Variants in DCC observed in about 807,000 individuals in gnomAD.
The protein encoded by DCC is netrin receptor DCC.
Under a neutral mutation model 172.5 loss-of-function variants are expected in DCC, and 58 were observed. That is an observed-to-expected ratio of 0.34 (90% CI 0.27 to 0.42). The LOEUF (loss-of-function observed/expected upper bound fraction) is 0.42. Ranked by LOEUF, DCC falls within the 10% of genes least tolerant of loss-of-function variation. The probability of loss-of-function intolerance (pLI) is 1.00; values close to 1 mark genes in which losing one functional copy is unlikely to be tolerated. For missense variants in DCC, 1,740 were observed against 1,791.0 expected, an observed-to-expected ratio of 0.97 and a Z score of 0.51; for synonymous variants, 709 against 644.5, an observed-to-expected ratio of 1.10 and a Z score of -1.52.
chr18:52,953,095 G>T (rs778246764), intron 5 of DCC, among the ~76,000 whole-genome samples: 15 of 145,494 alleles, frequency 1.0e-4, no homozygotes, highest in Non-Finnish European at 2.1e-4. Context: ...TTTATCTGTT[G>T]TGAAGTCAAA....
chr18:53,405,190 T>C (rs1262345306), intron 19 of DCC, among the ~76,000 whole-genome samples: 3 of 139,116 alleles, frequency 2.2e-5, no homozygotes, highest in East Asian at 2.1e-4. Flanking sequence ...TAATAAAAAG[T>C]AAAAAAAAAA....
intron 1 of DCC, among the ~76,000 whole-genome samples, chr18:52,571,225 T>C (rs78005837): frequency 0.041 from 6,255 of 151,950 alleles, 160 homozygotes; most frequent in Non-Finnish European, 0.054. Context: ...ATTTGAAAAT[T>C]CAAAATATTC....
intron 1 of DCC, among the ~76,000 whole-genome samples, chr18:52,637,474 T>A (rs1181635369): frequency 6.6e-6 from 1 of 151,516 alleles, no homozygotes; most frequent in African/African-American, 2.4e-5. Context: ...GAAAAAAAAA[T>A]AAAGAATTTA....
At chr18:52,759,079 G>A (rs1315448284) in intron 2 of DCC, 1 of 151,912 alleles carries the variant, frequency 6.6e-6, no homozygotes, top group Non-Finnish European at 1.5e-5. Context: ...AAATAAATGT[G>A]GTCTTATAAG....
At chr18:52,728,030 A>C (rs531294066) in intron 1 of DCC, among the ~76,000 whole-genome samples, 1 of 152,296 alleles carries the variant, frequency 6.6e-6, no homozygotes, top group East Asian at 1.9e-4. Flanking sequence ...ACGATAAACA[A>C]ATTTTTTTCC....
intron 1 of DCC, among the ~76,000 whole-genome samples, chr18:52,412,924 C>T (rs1222935): frequency 2.6e-5 from 4 of 151,886 alleles, no homozygotes; most frequent in African/African-American, 4.8e-5. Flanking sequence ...TTTAGAAGAC[C>T]GGATTCATCC....
intron 12 of DCC, among the ~76,000 whole-genome samples, chr18:53,294,309 G>GC (rs2057040649): frequency 6.6e-6 from 1 of 152,202 alleles, no homozygotes; most frequent in Non-Finnish European, 1.5e-5. Context: ...GGAGTTCAGA[G>GC]CCAGTGGCAG....
rs144957137 is a variant in DCC at position 52,917,519 on chromosome 18, A to G, written c.698-6188A>G. On this transcript the variant is annotated intron_variant, in intron 3 of 28. Coordinates refer to ENST00000442544, the MANE Select transcript of DCC (RefSeq NM_005215.4). Reference sequence around the variant, plus strand: ...TGTCTGCATCGTTATTCTTTGTTGTAATGATTGTAGACTGGTCATCCTCAA... The same window carrying G: ...TGTCTGCATCGTTATTCTTTGTTGTGATGATTGTAGACTGGTCATCCTCAA... Among the ~76,000 whole-genome samples the G allele has an allele frequency of 5.9e-3, 895 of 152,288 alleles. 4 individuals are homozygous for G. Among genetic ancestry groups the G allele is most frequent in the Non-Finnish European group, 7.9e-3 (537 of 68,020 alleles).
intron 1 of DCC, among the ~76,000 whole-genome samples, chr18:52,374,144 G>A (rs948663120): frequency 2.6e-5 from 4 of 151,650 alleles, no homozygotes; most frequent in South Asian, 2.1e-4. Context: ...TGCCTGCCTC[G>A]GCCTCCCAAA....
At chr18:53,233,193 C>T (rs565701393) in intron 12 of DCC, among the ~76,000 whole-genome samples, 2 of 152,148 alleles carry the variant, frequency 1.3e-5, no homozygotes. Flanking sequence ...AAAAAAGCCA[C>T]TAAACCTTTC....
At chr18:53,431,882 T>C (rs1370248482) in intron 21 of DCC, among the ~76,000 whole-genome samples, 2 of 152,210 alleles carry the variant, frequency 1.3e-5, no homozygotes, top group African/African-American at 2.4e-5. Context: ...TAAGCCATGT[T>C]GAACTTTATT....
At chr18:53,302,557 T>G (rs1399349089) in intron 12 of DCC, among the ~76,000 whole-genome samples, 1 of 152,224 alleles carries the variant, frequency 6.6e-6, no homozygotes, top group Admixed American at 6.5e-5. Flanking sequence ...TTTAAATATT[T>G]TTTTTTCAGA....
chr18:52,770,419 G>C (rs921695669), intron 2 of DCC, among the ~76,000 whole-genome samples: 1 of 152,128 alleles, frequency 6.6e-6, no homozygotes, highest in African/African-American at 2.4e-5. Context: ...AACTACTATC[G>C]CATACCATGC....
chr18:52,957,609 T>A (rs1395654881), intron 5 of DCC, among the ~76,000 whole-genome samples: 2 of 152,182 alleles, frequency 1.3e-5, no homozygotes, highest in East Asian at 3.9e-4. Flanking sequence ...AATGTGATTT[T>A]AAGAGAAGAC....
At chr18:52,960,407 T>A (rs142231599) in intron 5 of DCC, among the ~76,000 whole-genome samples, 1 of 152,152 alleles carries the variant, frequency 6.6e-6, no homozygotes, top group African/African-American at 2.4e-5. Context: ...TTTCTTTTAA[T>A]GTCTACATTT....
Position 52,367,155 on chromosome 18 carries a change from C to T in DCC, c.91+26277C>T, listed in dbSNP as rs1212520530. Among the ~76,000 whole-genome samples the T allele has an allele frequency of 6.6e-5, 10 of 152,236 alleles. 1 individual carries two copies. The highest frequency in any genetic ancestry group is 1.2e-4 in the Non-Finnish European group (8 of 68,034). On this transcript the variant is annotated intron_variant, in intron 1 of 28. Transcript: ENST00000442544. Reference sequence around the variant, plus strand: ...CACAGCCACTGGCCCGTGTGCTAAGCCCCTCATTGCCCGGGGCCAGCAGGG... The same window carrying T: ...CACAGCCACTGGCCCGTGTGCTAAGTCCCTCATTGCCCGGGGCCAGCAGGG...
chr18:53,281,856 A>T (rs944745357), intron 12 of DCC, among the ~76,000 whole-genome samples: 2 of 151,726 alleles, frequency 1.3e-5, no homozygotes, highest in Non-Finnish European at 2.9e-5. Context: ...TCTCCAAAAG[A>T]TATACATCCG....
chr18:53,210,025 C>G (rs575859459), intron 11 of DCC, among the ~76,000 whole-genome samples: 3 of 152,320 alleles, frequency 2.0e-5, no homozygotes, highest in East Asian at 3.9e-4. Context: ...ACCAAATTCT[C>G]TCTCTCAAAT....
chr18:52,508,758 A>C (rs149167911), intron 1 of DCC, among the ~76,000 whole-genome samples: 1 of 152,274 alleles, frequency 6.6e-6, no homozygotes, highest in Non-Finnish European at 1.5e-5. Context: ...TATTCAAACA[A>C]ATAAGATTCT....
Sources: allele counts gnomAD v4.1 joint callset (sites outside exome capture counted in the v4.1 genomes callset), GRCh38; gene constraint gnomAD v4.1.1; transcripts MANE v1.5; gene names NCBI Gene and HGNC (gene_info 2026-07-23, HGNC 2026-07-21).